Variants in NUB1 observed in about 807,000 individuals in gnomAD.
The protein encoded by NUB1 is NEDD8 ultimate buster 1.
Under a neutral mutation model 77.1 loss-of-function variants are expected in NUB1, and 41 were observed. The ratio of observed to expected loss-of-function variants is 0.53; its 90% CI spans 0.41 to 0.69. The LOEUF is 0.69. Among genes scored for constraint, NUB1 ranks in the 30% least tolerant of loss-of-function variants. The probability of loss-of-function intolerance (pLI) is 0.00; values close to 1 mark genes in which losing one functional copy is unlikely to be tolerated. For missense variants in NUB1, 643 were observed against 743.8 expected (o/e 0.86, Z 1.58); for synonymous variants, 257 against 281.0 (o/e 0.91, Z 0.85).
At chr7:151,352,965 A>G in intron 5 of NUB1, 83 bp downstream of exon 5, 3 of 723,176 alleles carry the variant, frequency 4.1e-6, no homozygotes, top group African/African-American at 1.8e-5. Context: ...ATGTCTTTTC[A>G]AAAATTTGTA....
At chr7:151,366,790 A>G in intron 8 of NUB1, 149 bp from the exon 9 acceptor site, 1 of 566,036 alleles carries the variant, frequency 1.8e-6, no homozygotes, top group African/African-American at 1.9e-5. Flanking sequence ...CTCCCTTCCT[A>G]AACATTAGGA....
chr7:151,371,157 ATGT>A (rs1451848187), intron 11 of NUB1, among the ~76,000 whole-genome samples: 1 of 152,216 alleles, frequency 6.6e-6, no homozygotes, highest in East Asian at 1.9e-4. Context: ...CACCCAACAG[ATGT>A]TGTTAGTTAC....
At chr7:151,372,456 G>A (rs1466502366) in intron 11 of NUB1, among the ~76,000 whole-genome samples, 1 of 152,232 alleles carries the variant, frequency 6.6e-6, no homozygotes, top group Non-Finnish European at 1.5e-5. Context: ...GTCCTTCTCT[G>A]TGCTTGGATG....
Position 151,364,556 on chromosome 7 carries a change from G to C in NUB1, c.801-2383G>C, listed in dbSNP as rs142463888. ...GTTGTTGTTTTTGAGACGGAGTCTC[G>C]CTCTGTCGCCCACGCTGGAGTGCAA... is the stretch of plus-strand genomic sequence containing the variant. On this transcript the variant is annotated intron_variant, in intron 8 of 14. Transcript: ENST00000568733. Among the ~76,000 whole-genome samples the C allele has an allele frequency of 4.8e-3, 730 of 152,126 alleles. 9 individuals carry two copies. Among genetic ancestry groups the C allele is most frequent in the African/African-American group, 0.016 (682 of 41,512 alleles).
At chr7:151,342,827 T>A (rs1045518648) in intron 1 of NUB1, among the ~76,000 whole-genome samples, 26 of 152,308 alleles carry the variant, frequency 1.7e-4, no homozygotes, top group African/African-American at 6.0e-4. Context: ...GGCATCTTTT[T>A]AAAAATTTTT....
chr7:151,357,223 T>C (rs1476346646), intron 7 of NUB1, among the ~76,000 whole-genome samples: 1 of 148,844 alleles, frequency 6.7e-6, no homozygotes, highest in East Asian at 2.0e-4. Context: ...TCTCGCTCTG[T>C]TGCCATTCTC....
intron 5 of NUB1, among the ~76,000 whole-genome samples, chr7:151,355,088 T>C (rs1007159093): frequency 2.6e-5 from 4 of 152,210 alleles, no homozygotes; most frequent in Admixed American, 6.5e-5. Flanking sequence ...AGCTTCTTGT[T>C]TGTAGCTGTG....
intron 7 of NUB1, among the ~76,000 whole-genome samples, chr7:151,359,165 A>G (rs990724285): frequency 7.4e-5 from 11 of 148,810 alleles, no homozygotes; most frequent in East Asian, 4.2e-4. Context: ...GAGGCCGGGC[A>G]CGGTGGCTCA....
chr7:151,354,828 C>T (rs1471764272), intron 5 of NUB1, among the ~76,000 whole-genome samples: 1 of 152,234 alleles, frequency 6.6e-6, no homozygotes, highest in Non-Finnish European at 1.5e-5. Flanking sequence ...CTGCAGCCTC[C>T]ACCTCCCAGG....
intron 8 of NUB1, among the ~76,000 whole-genome samples, chr7:151,361,976 A>C (rs1161033026): frequency 6.7e-6 from 1 of 148,404 alleles, no homozygotes; most frequent in Non-Finnish European, 1.5e-5. Flanking sequence ...ATAGTCATAA[A>C]AATAAAAATT....
In NUB1 at chr7:151,356,196, A is replaced by G. The variant is rs1198291459; in HGVS notation, c.667A>G (p.Ile223Val). 3 of 1,613,384 alleles carry G rather than the reference A, an allele frequency of 1.9e-6. No individual in the cohort carries two copies. The highest frequency in any genetic ancestry group is 2.5e-6 in the Non-Finnish European group (3 of 1,179,302). ...LDIANQTGRS[I>V]RIPPSERKAL... Reference sequence around the variant, plus strand: ...CATAGCTAACCAGACAGGCAGATCAATCAGAATTCCCCCATCAGAAAGAAA... The same window carrying G: ...CATAGCTAACCAGACAGGCAGATCAGTCAGAATTCCCCCATCAGAAAGAAA... The change falls in exon 7 of 15, where the codon ATC becomes GTC. Residue 223 changes from isoleucine (I) to valine (V), a missense_variant. Transcript: ENST00000568733.
chr7:151,374,021 T>A, intron 11 of NUB1, 76 bp from the exon 12 acceptor site: 1 of 1,451,894 alleles, frequency 6.9e-7, no homozygotes, highest in South Asian at 1.4e-5. Flanking sequence ...ATGCGGAGAA[T>A]CCTGCAGAGC....
chr7:151,366,352 A>C (rs1797681417), intron 8 of NUB1, among the ~76,000 whole-genome samples: 2 of 152,180 alleles, frequency 1.3e-5, no homozygotes, highest in South Asian at 4.1e-4. Context: ...AGCCGTCATC[A>C]GCTGAGGCAT....
chr7:151,364,048 C>T (rs1797517775), intron 8 of NUB1, among the ~76,000 whole-genome samples: 1 of 151,566 alleles, frequency 6.6e-6, no homozygotes. Flanking sequence ...TCCGCCTCAG[C>T]CTCCCAAAGT....
At chr7:151,358,208 G>A (rs1260619780) in intron 7 of NUB1, among the ~76,000 whole-genome samples, 2 of 151,840 alleles carry the variant, frequency 1.3e-5, no homozygotes, top group Non-Finnish European at 2.9e-5. Flanking sequence ...TCTTGACCTC[G>A]TGATCCGCCT....
In NUB1 at chr7:151,367,078, T is replaced by C; in HGVS notation, c.940T>C (p.Phe314Leu). 1 of 1,613,822 alleles carries C rather than the reference T, an allele frequency of 6.2e-7. No homozygotes were observed. Among genetic ancestry groups the C allele is most frequent in the South Asian group, 1.1e-5 (1 of 91,036 alleles). ...AAAATTAAACTTGGCCCAGAAATGC[T>C]TTAAAAATTGTTACGGAGAAAATCA... ...EKKLNLAQKC[F>L]KNCYGENHQR... Residue 314 changes from phenylalanine to leucine, a missense_variant, in exon 9 of 15, where the codon TTT becomes CTT. By Grantham distance (22) the Phe-to-Leu change is conservative (BLOSUM62 0). Transcript: ENST00000568733.
chr7:151,362,275 A>T (rs1344026927), intron 8 of NUB1, among the ~76,000 whole-genome samples: 1 of 152,126 alleles, frequency 6.6e-6, no homozygotes, highest in African/African-American at 2.4e-5. Flanking sequence ...TATCCTGGGC[A>T]TCTATTTATC....
At chr7:151,368,674 C>T (rs1797813797) in intron 10 of NUB1, 61 bp from the exon 11 acceptor site, 1 of 1,489,278 alleles carries the variant, frequency 6.7e-7, no homozygotes, top group East Asian at 2.4e-5. Flanking sequence ...TAGGCTTTCA[C>T]TTTGTATTAA....
intron 11 of NUB1, among the ~76,000 whole-genome samples, chr7:151,372,955 T>A (rs2150716873): frequency 6.6e-6 from 1 of 152,276 alleles, no homozygotes; most frequent in African/African-American, 2.4e-5. Flanking sequence ...AGTCTACAGA[T>A]GTCTTCATCC....
Sources: allele counts gnomAD v4.1 joint callset (sites outside exome capture counted in the v4.1 genomes callset), GRCh38; gene constraint gnomAD v4.1.1; transcripts MANE v1.5; gene names NCBI Gene and HGNC (gene_info 2026-07-23, HGNC 2026-07-21).